The following MYB variants were observed in gnomAD, a reference collection of about 807,000 sequenced individuals.
The protein encoded by MYB is transcriptional activator Myb.
In MYB, 28 loss-of-function variants were observed where a neutral mutation model predicts 92.9. The observed-to-expected ratio is 0.30, with a 90% CI of 0.22 to 0.41. The LOEUF is 0.41. Among genes scored for constraint, MYB ranks in the 10% least tolerant of loss-of-function variants. The probability of loss-of-function intolerance (pLI) is 1.00; values close to 1 mark genes in which losing one functional copy is unlikely to be tolerated. For missense variants in MYB, 679 were observed against 929.3 expected, an observed-to-expected ratio of 0.73 and a Z score of 3.50; for synonymous variants, 295 against 329.1, an observed-to-expected ratio of 0.90 and a Z score of 1.12.
intron 15 of MYB, among the ~76,000 whole-genome samples, chr6:135,212,588 A>G (rs922281259): frequency 6.6e-6 from 1 of 152,172 alleles, no homozygotes; most frequent in African/African-American, 2.4e-5. Context: ...CCCAGGGGCA[A>G]TTAAAGGCAC....
At chr6:135,187,709 T>C (rs1776104192) in intron 2 of MYB, 125 bp from the exon 3 acceptor site, 1 of 497,408 alleles carries the variant, frequency 2.0e-6, no homozygotes, top group Non-Finnish European at 3.5e-6. Context: ...ATTACATTAA[T>C]ATCTCCTGTA....
rs1388989093 is a variant in MYB at position 135,182,605 on chromosome 6, C to T, written c.23+1069C>T. On this transcript the variant is annotated intron_variant, in intron 1 of 15. Transcript: ENST00000341911. The surrounding 1 kb of genome is among the most constrained non-coding windows in gnomAD (Gnocchi z 5.6). ...CGCGCCTTCTCGCACCCTCCTTCAG[C>T]CGCCTTAGGTCGCCCCGGCCGAGGC... 2.6e-5 allele frequency among the ~76,000 whole-genome samples: 4 copies of T among 152,184 alleles called. No individual in the cohort carries two copies. Among genetic ancestry groups the T allele is most frequent in the Non-Finnish European group, 5.9e-5 (4 of 68,036 alleles).
intron 15 of MYB, among the ~76,000 whole-genome samples, chr6:135,206,988 C>G (rs925015255): frequency 2.0e-5 from 3 of 152,080 alleles, no homozygotes; most frequent in African/African-American, 7.2e-5. Context: ...TCATATAATC[C>G]TGATTCAATA....
At chr6:135,202,514 A>C (rs1583345955) in intron 14 of MYB, 1 of 155,204 alleles carries the variant, frequency 6.4e-6, no homozygotes, top group Admixed American at 6.5e-5. Context: ...GATTACAGGC[A>C]CCCGCCACCA....
At chr6:135,195,020 T>C in intron 8 of MYB, 1 of 1,336,314 alleles carries the variant, frequency 7.5e-7, no homozygotes, top group Non-Finnish European at 9.9e-7. Context: ...CTGGGATGGC[T>C]CCTTGTGCTT....
At chr6:135,191,032 C>G (rs1324663823) in intron 5 of MYB, among the ~76,000 whole-genome samples, 1 of 152,170 alleles carries the variant, frequency 6.6e-6, no homozygotes, top group Non-Finnish European at 1.5e-5. Flanking sequence ...CTCCTGGCCT[C>G]AAACAATCCT....
intron 15 of MYB, chr6:135,203,849 C>G: frequency 1.6e-6 from 2 of 1,240,992 alleles, no homozygotes; most frequent in Non-Finnish European, 2.1e-6. Flanking sequence ...CTGAAGTTGA[C>G]CATCTGCTGT....
chr6:135,200,530 AG>A (rs1307261904), intron 13 of MYB, 115 bp downstream of exon 13: 3 of 1,469,646 alleles, frequency 2.0e-6, no homozygotes, highest in Non-Finnish European at 2.8e-6. Flanking sequence ...TTTTCGTGCA[AG>A]ATTTTCATAC....
rs915406175 is a variant in MYB, at chr6:135,189,818, C to A, written c.241C>A (p.Arg81=). The A allele has an allele frequency of 6.2e-7, 1 of 1,613,948 alleles. No homozygotes were observed. Among genetic ancestry groups the A allele is most frequent in the Non-Finnish European group, 8.5e-7 (1 of 1,179,846 alleles). Residue 81 remains arginine (R), a synonymous_variant, in exon 4 of 16, where the codon CGA becomes AGA. Coordinates refer to ENST00000341911, the MANE Select transcript of MYB (RefSeq NM_001130173.2). Reference sequence around the variant, plus strand: ...TCGAACAGATGTGCAGTGCCAGCACCGATGGCAGAAAGTACTAAACCCTGA... The same window carrying A: ...TCGAACAGATGTGCAGTGCCAGCACAGATGGCAGAAAGTACTAAACCCTGA... The part of the protein sequence containing the change: ...PNRTDVQCQH[R]WQKVLNPELI...
chr6:135,214,598 T>C (rs1210512010), intron 15 of MYB, among the ~76,000 whole-genome samples: 2 of 152,258 alleles, frequency 1.3e-5, no homozygotes, highest in Admixed American at 6.5e-5. Flanking sequence ...CTTGGCTCCA[T>C]GTGCATCTAA....
At chr6:135,196,897 G>A in intron 9 of MYB, 64 bp from the exon 10 acceptor site, 1 of 1,587,056 alleles carries the variant, frequency 6.3e-7, no homozygotes, top group Non-Finnish European at 8.6e-7. Flanking sequence ...CTCTCTCTCA[G>A]TGCTGTTTCA....
chr6:135,194,554 G>C (rs1235212191), intron 8 of MYB, 94 bp downstream of exon 8: 1 of 844,962 alleles, frequency 1.2e-6, no homozygotes, highest in Admixed American at 2.6e-5. Flanking sequence ...ACTTAGCAAG[G>C]CTCCATATAT....
At position 135,186,236 on chromosome 6, in the gene MYB, G is replaced by T. The variant is rs75086215; in HGVS notation, c.141+216G>T. ...CTTTGAATGTCCTCTTCTCATTTTA[G>T]GCTTCATCTGTGTTTCCTTTTGCCT... On this transcript the variant is annotated intron_variant, in intron 2 of 15. Coordinates refer to ENST00000341911, the MANE Select transcript of MYB (RefSeq NM_001130173.2). 7.4e-3 allele frequency among the ~76,000 whole-genome samples: 1,126 copies of T among 152,090 alleles called. 12 individuals carry two copies. The highest frequency in any genetic ancestry group is 0.023 in the South Asian group (110 of 4,804).
In MYB at chr6:135,190,139, G is replaced by A. The variant is rs1776454913; in HGVS notation, c.319G>A (p.Val107Ile). ...TGTTTATCTGAAGGTGATAGAGCTT[G>A]TACAGAAATACGGTCCGAAACGTTG... Reference protein sequence around the residue: ...KEEDQRVIELVQKYGPKRWSV... With the variant: ...KEEDQRVIELIQKYGPKRWSV... Residue 107 changes from valine to isoleucine, a missense_variant, in exon 5 of 16, where the codon GTA (valine) becomes ATA (isoleucine). Val to Ile is a conservative substitution (Grantham distance 29, BLOSUM62 3). This residue lies in a region of MYB where 88 missense variants were observed against 145.6 expected (regional missense o/e 0.60). Transcript: ENST00000341911. The surrounding 1 kb of genome is among the most constrained non-coding windows in gnomAD (Gnocchi z 4.5). 1 of 1,614,110 alleles carries A rather than the reference G, an allele frequency of 6.2e-7. No homozygotes were observed. The highest frequency in any genetic ancestry group is 8.5e-7 in the Non-Finnish European group (1 of 1,179,958).
chr6:135,200,023 G>A, intron 11 of MYB, 62 bp from the exon 12 acceptor site: 1 of 1,271,896 alleles, frequency 7.9e-7, no homozygotes, highest in Non-Finnish European at 1.1e-6. Context: ...AATGTAACAG[G>A]TAAAGCCATG....
intron 15 of MYB, among the ~76,000 whole-genome samples, chr6:135,206,828 A>G (rs1482730622): frequency 6.6e-6 from 1 of 152,172 alleles, no homozygotes; most frequent in Non-Finnish European, 1.5e-5. Context: ...TGAATGTTAT[A>G]CACCAAGTAT....
chr6:135,212,226 T>TTTTTTA (rs1779829714), intron 15 of MYB, among the ~76,000 whole-genome samples: 1 of 45,256 alleles, frequency 2.2e-5, no homozygotes, highest in Non-Finnish European at 4.0e-5. Context: ...TGGTTTTACT[T>TTTTTTA]TTTTTTTTTT....
intron 15 of MYB, among the ~76,000 whole-genome samples, chr6:135,211,737 G>A (rs1277175723): frequency 2.0e-5 from 3 of 152,188 alleles, no homozygotes; most frequent in African/African-American, 7.2e-5. Context: ...ATCCACATTT[G>A]CAATTGTTAG....
At chr6:135,203,059 C>A in intron 14 of MYB, 158 bp from the exon 15 acceptor site, 1 of 699,944 alleles carries the variant, frequency 1.4e-6, no homozygotes. Flanking sequence ...TTGATTTCTC[C>A]TTTTAGCTCA....
Sources: gnomAD v4.1 joint callset for allele counts (sites outside exome capture counted in the v4.1 genomes callset) on GRCh38, gnomAD v4.1.1 for gene constraint, gnomAD v4.1.1 regional missense constraint, Gnocchi (gnomAD v3.1) non-coding constraint, MANE v1.5 for transcripts, NCBI Gene and HGNC (gene_info 2026-07-23, HGNC 2026-07-21) for gene names.